Variants in NRG1 observed in about 807,000 individuals in gnomAD.
NRG1 encodes the protein neuregulin 1.
Under a neutral mutation model 63.8 loss-of-function variants are expected in NRG1, and 18 were observed. The ratio of observed to expected loss-of-function variants is 0.28; its 90% CI spans 0.19 to 0.42. The LOEUF (loss-of-function observed/expected upper bound fraction) is 0.42. Ranked by LOEUF, NRG1 falls within the 10% of genes least tolerant of loss-of-function variation. The probability of loss-of-function intolerance (pLI) is 1.00; values close to 1 mark genes in which losing one functional copy is unlikely to be tolerated. For synonymous variants in NRG1, 302 were observed against 301.3 expected (o/e 1.00, Z -0.02); for missense variants, 762 against 814.7 (o/e 0.94, Z 0.79).
chr8:31,673,602 T>C (rs1369224528), intron 1 of NRG1, among the ~76,000 whole-genome samples: 1 of 152,168 alleles, frequency 6.6e-6, no homozygotes. Flanking sequence ...TTTTCTCCTG[T>C]AGTCTAAAGT....
At chr8:32,533,766 C>T (rs1307099394) in intron 1 of NRG1, among the ~76,000 whole-genome samples, 1 of 151,974 alleles carries the variant, frequency 6.6e-6, no homozygotes, top group Non-Finnish European at 1.5e-5. Flanking sequence ...ATTCCAATAA[C>T]AGAACATCTT....
intron 1 of NRG1, among the ~76,000 whole-genome samples, chr8:32,022,632 T>A (rs1816629613): frequency 6.6e-6 from 1 of 152,186 alleles, no homozygotes; most frequent in Non-Finnish European, 1.5e-5. Context: ...GAAATTTTAT[T>A]GACACATTAA....
intron 1 of NRG1, among the ~76,000 whole-genome samples, chr8:32,482,932 T>C (rs4733341): frequency 0.77 from 117,609 of 152,184 alleles, 45,654 homozygotes; most frequent in East Asian, 0.89. Flanking sequence ...AACTTATTTA[T>C]ACCAAAGTGC....
At chr8:32,587,801 C>T (rs1841875933) in intron 1 of NRG1, among the ~76,000 whole-genome samples, 1 of 152,142 alleles carries the variant, frequency 6.6e-6, no homozygotes, top group Non-Finnish European at 1.5e-5. Context: ...CAGGAAATAG[C>T]CTAACCCTCC....
At chr8:31,766,586 A>G (rs1415820155) in intron 1 of NRG1, among the ~76,000 whole-genome samples, 2 of 152,208 alleles carry the variant, frequency 1.3e-5, no homozygotes, top group African/African-American at 4.8e-5. Context: ...AGTAAGCTAA[A>G]GAATAATAGT....
chr8:32,735,729 A>G (rs10087924), intron 6 of NRG1, among the ~76,000 whole-genome samples: 31,321 of 152,088 alleles, frequency 0.21, 4,095 homozygotes, highest in African/African-American at 0.37. Flanking sequence ...AACATGGGCA[A>G]GGGTTTTAGT....
intron 1 of NRG1, among the ~76,000 whole-genome samples, chr8:32,489,169 C>T (rs1483835422): frequency 6.6e-6 from 1 of 152,058 alleles, no homozygotes; most frequent in Non-Finnish European, 1.5e-5. Context: ...GATGGGCTGC[C>T]GCATGTGTGG....
chr8:32,580,818 T>C (rs1156721154), intron 1 of NRG1, among the ~76,000 whole-genome samples: 1 of 151,200 alleles, frequency 6.6e-6, no homozygotes, highest in Non-Finnish European at 1.5e-5. Context: ...AATAAGTTGT[T>C]ATTAGGAATA....
intron 1 of NRG1, among the ~76,000 whole-genome samples, chr8:32,204,690 G>A (rs563296751): frequency 9.3e-4 from 141 of 152,298 alleles, no homozygotes; most frequent in African/African-American, 3.4e-3. Flanking sequence ...TCAATGGATT[G>A]TAAGAATATA....
chr8:32,067,268 G>GT (rs1350621627), intron 1 of NRG1, among the ~76,000 whole-genome samples: 25 of 152,222 alleles, frequency 1.6e-4, no homozygotes, highest in African/African-American at 6.0e-4. Context: ...TCTTGTGCCA[G>GT]TTTTCAAAGG....
intron 5 of NRG1, among the ~76,000 whole-genome samples, chr8:32,714,614 A>G (rs1441944765): frequency 6.6e-6 from 1 of 152,250 alleles, no homozygotes; most frequent in Non-Finnish European, 1.5e-5. Context: ...TTAAGCACAA[A>G]GTAACCTACA....
intron 1 of NRG1, among the ~76,000 whole-genome samples, chr8:32,226,392 T>C (rs1846326798): frequency 6.6e-6 from 1 of 152,184 alleles, no homozygotes; most frequent in South Asian, 2.1e-4. Context: ...ATGTGTGTTC[T>C]GGTTGGCAGA....
chr8:32,724,592 AAG>A (rs1821586508), intron 5 of NRG1, among the ~76,000 whole-genome samples: 1 of 152,164 alleles, frequency 6.6e-6, no homozygotes, highest in African/African-American at 2.4e-5. Context: ...TGTTCAAATA[AAG>A]AGAGCAAAAG....
Position 31,739,988 on chromosome 8 carries a change from C to T in NRG1, c.37+100557C>T, listed in dbSNP as rs76344450. The stretch of plus-strand genomic sequence containing the variant: ...TGACCAGGCTATCATTCTTAAGAAA[C>T]GGATTGAAACTTCTTAGTACATCTC... On this transcript the variant is annotated intron_variant, in intron 1 of 10. Coordinates refer to the NRG1 transcript ENST00000519301. Among the ~76,000 whole-genome samples, 1,344 of 152,024 alleles carry T rather than the reference C, an allele frequency of 8.8e-3. 26 individuals carry two copies. The highest frequency in any genetic ancestry group is 0.029 in the African/African-American group (1,221 of 41,482).
chr8:32,311,249 G>A (rs1025966977), intron 1 of NRG1, among the ~76,000 whole-genome samples: 5 of 152,170 alleles, frequency 3.3e-5, no homozygotes, highest in African/African-American at 1.2e-4. Flanking sequence ...TGTTGTACAG[G>A]AGTATGCATT....
chr8:32,110,304 C>A (rs1563798280), intron 1 of NRG1, among the ~76,000 whole-genome samples: 1 of 151,672 alleles, frequency 6.6e-6, no homozygotes, highest in Non-Finnish European at 1.5e-5. Context: ...AAAAAAATGT[C>A]AGAGAAGAAA....
chr8:31,694,962 G>A (rs185478293), intron 1 of NRG1, among the ~76,000 whole-genome samples: 1 of 152,272 alleles, frequency 6.6e-6, no homozygotes, highest in East Asian at 1.9e-4. Flanking sequence ...GTCTGTTCTT[G>A]CACTGCTATA....
At chr8:32,079,356 CA>C (rs1389253114) in intron 1 of NRG1, among the ~76,000 whole-genome samples, 1 of 152,052 alleles carries the variant, frequency 6.6e-6, no homozygotes, top group South Asian at 2.1e-4. Flanking sequence ...ATTAACTGAA[CA>C]AAAGCAATGT....
At chr8:32,573,711 T>C (rs1032387694) in intron 1 of NRG1, among the ~76,000 whole-genome samples, 1 of 152,100 alleles carries the variant, frequency 6.6e-6, no homozygotes, top group African/African-American at 2.4e-5. Flanking sequence ...TGCAGGTTTG[T>C]TACATATGTA....
Sources: gnomAD v4.1 joint callset for allele counts (sites outside exome capture counted in the v4.1 genomes callset) on GRCh38, gnomAD v4.1.1 for gene constraint, MANE v1.5 for transcripts, NCBI Gene and HGNC (gene_info 2026-07-23, HGNC 2026-07-21) for gene names.